Variants in MTRF1 observed in about 807,000 individuals in gnomAD.
The protein encoded by MTRF1 is mitochondrial translation release factor 1, also known as peptide chain release factor 1, mitochondrial.
A neutral mutation model predicts 62.9 loss-of-function variants in MTRF1; 51 were observed. That is an observed-to-expected ratio of 0.81 (90% CI 0.65 to 1.02). MTRF1 has a LOEUF of 1.02. MTRF1 is among the 50% of genes least tolerant of loss of function. The pLI, the probability that MTRF1 is intolerant of heterozygous loss-of-function variation, is 0.00. For missense variants in MTRF1, 446 were observed against 530.0 expected, an observed-to-expected ratio of 0.84 and a Z score of 1.56; for synonymous variants, 158 against 181.9, an observed-to-expected ratio of 0.87 and a Z score of 1.06.
chr13:41,246,332 T>C (rs955268745), intron 5 of MTRF1, among the ~76,000 whole-genome samples: 18 of 152,096 alleles, frequency 1.2e-4, no homozygotes, highest in African/African-American at 2.9e-4. Context: ...AGTTGCTATA[T>C]GTGTTTTTGC....
At chr13:41,302,047 G>A in the MTRF1 span, among the ~76,000 whole-genome samples, 2 of 152,070 alleles carry the variant, frequency 1.3e-5, no homozygotes, top group South Asian at 4.1e-4. Context: ...TTATTTTTGA[G>A]ATGGAGTCTC....
the MTRF1 span, among the ~76,000 whole-genome samples, chr13:41,299,664 C>T: frequency 2.6e-5 from 4 of 151,724 alleles, no homozygotes; most frequent in Non-Finnish European, 4.4e-5. Context: ...GGAAGAATTT[C>T]GATCACTCAA....
the MTRF1 span, among the ~76,000 whole-genome samples, chr13:41,279,796 T>C: frequency 3.3e-5 from 5 of 152,318 alleles, no homozygotes; most frequent in Admixed American, 2.0e-4. Flanking sequence ...TTTGTTTTCC[T>C]TCCTTTCTTC....
the MTRF1 span, chr13:41,288,331 C>T: frequency 7.2e-5 from 18 of 251,022 alleles, no homozygotes; most frequent in Non-Finnish European, 1.2e-4. Context: ...CTGGGTCACT[C>T]GCTGGGCCCT....
chr13:41,273,335 A>G, the MTRF1 span, among the ~76,000 whole-genome samples: 58 of 151,782 alleles, frequency 3.8e-4, no homozygotes, highest in African/African-American at 1.3e-3. Flanking sequence ...CAAAAAAAAA[A>G]AAAAAAGTTT....
chr13:41,241,735 A>C (rs1168767841), intron 5 of MTRF1, among the ~76,000 whole-genome samples: 1 of 152,194 alleles, frequency 6.6e-6, no homozygotes, highest in Non-Finnish European at 1.5e-5. Flanking sequence ...GACCTGTAGA[A>C]TTTCCAACAG....
the MTRF1 span, among the ~76,000 whole-genome samples, chr13:41,291,695 T>G: frequency 3.3e-5 from 5 of 152,106 alleles, no homozygotes; most frequent in Non-Finnish European, 7.3e-5. Flanking sequence ...GAAAGGTATT[T>G]AAATGTAGAA....
intron 5 of MTRF1, among the ~76,000 whole-genome samples, chr13:41,251,558 C>A (rs1198337457): frequency 2.0e-5 from 3 of 152,142 alleles, no homozygotes; most frequent in African/African-American, 7.2e-5. Flanking sequence ...CAGGTTGTTT[C>A]TTCTCTCTGC....
chr13:41,304,136 TAAGAA>T, the MTRF1 span, among the ~76,000 whole-genome samples: 1 of 152,088 alleles, frequency 6.6e-6, no homozygotes, highest in Non-Finnish European at 1.5e-5. Context: ...TCTGGTAACA[TAAGAA>T]AAGAAAGAGA....
At chr13:41,287,990 G>A in the MTRF1 span, 3 of 377,578 alleles carry the variant, frequency 7.9e-6, no homozygotes, top group Non-Finnish European at 1.6e-5. Context: ...CCACAAGAAT[G>A]ATGGGAGTGT....
At chr13:41,309,341 AGTGTGTGTGTGTGTGTGTGTGT>A in the MTRF1 span, among the ~76,000 whole-genome samples, 1 of 135,662 alleles carries the variant, frequency 7.4e-6, no homozygotes, top group South Asian at 2.5e-4. Flanking sequence ...ATGCCCAGCT[AGTGTGTGTGTGTGTGTGTGTGT>A]GTGTGTGTGT....
At chr13:41,287,188 C>T in the MTRF1 span, among the ~76,000 whole-genome samples, 260 of 152,286 alleles carry the variant, frequency 1.7e-3, 1 homozygote, top group Non-Finnish European at 2.8e-3. Context: ...AATTGGCTCA[C>T]GGTTTTGCAG....
intron 3 of MTRF1, among the ~76,000 whole-genome samples, chr13:41,253,639 G>C (rs2039354219): frequency 6.6e-6 from 1 of 152,068 alleles, no homozygotes; most frequent in African/African-American, 2.4e-5. Flanking sequence ...TTACTAAAAG[G>C]TTTTTCAAAT....
At chr13:41,245,782 C>T (rs2038165773) in intron 5 of MTRF1, among the ~76,000 whole-genome samples, 1 of 152,174 alleles carries the variant, frequency 6.6e-6, no homozygotes, top group Admixed American at 6.5e-5. Context: ...TCACAGAGTT[C>T]TCTTTTCTGT....
intron 3 of MTRF1, among the ~76,000 whole-genome samples, chr13:41,253,274 T>A (rs114666686): frequency 3.9e-5 from 6 of 152,348 alleles, no homozygotes; most frequent in African/African-American, 1.4e-4. Context: ...TTATCTTAAT[T>A]TTCTAGAATG....
chr13:41,222,959 TCAATAGAAAAC>T (rs1396661489), intron 9 of MTRF1, among the ~76,000 whole-genome samples: 1 of 152,220 alleles, frequency 6.6e-6, no homozygotes, highest in Non-Finnish European at 1.5e-5. Flanking sequence ...TTGTTACCTG[TCAATAGAAAAC>T]CAATACCCAT....
At chr13:41,224,352 C>A (rs774042349) in intron 8 of MTRF1, among the ~76,000 whole-genome samples, 1 of 152,134 alleles carries the variant, frequency 6.6e-6, no homozygotes, top group African/African-American at 2.4e-5. Flanking sequence ...CCCCAACACC[C>A]GATATACACA....
intron 5 of MTRF1, among the ~76,000 whole-genome samples, chr13:41,246,441 G>A (rs2038270577): frequency 6.6e-6 from 1 of 152,108 alleles, no homozygotes. Flanking sequence ...TCTAAAGTCA[G>A]CATGTTAGAC....
intron 5 of MTRF1, among the ~76,000 whole-genome samples, chr13:41,241,829 G>A (rs2037537476): frequency 6.6e-6 from 1 of 152,222 alleles, no homozygotes; most frequent in Non-Finnish European, 1.5e-5. Flanking sequence ...GCAGCTGGAT[G>A]CAGACACTGG....
Sources: gnomAD v4.1 joint callset for allele counts (sites outside exome capture counted in the v4.1 genomes callset) on GRCh38, gnomAD v4.1.1 for gene constraint, MANE v1.5 for transcripts, NCBI Gene and HGNC (gene_info 2026-07-23, HGNC 2026-07-21) for gene names.